MAGI2: variants seen among roughly 807,000 people sequenced by gnomAD.
MAGI2 encodes the protein membrane associated guanylate kinase, WW and PDZ domain containing 2.
A neutral mutation model predicts 133.3 loss-of-function variants in MAGI2; 35 were observed. The ratio of observed to expected loss-of-function variants is 0.26; its 90% CI spans 0.20 to 0.35. The LOEUF (loss-of-function observed/expected upper bound fraction) is 0.35, where lower values mean the gene tolerates loss of function less well. MAGI2 is among the 10% of genes least tolerant of loss of function. The pLI is 1.00. For missense variants in MAGI2, 1,636 were observed against 1,863.4 expected (o/e 0.88, Z 2.25); for synonymous variants, 729 against 710.6 (o/e 1.03, Z -0.41).
intron 4 of MAGI2, among the ~76,000 whole-genome samples, chr7:78,511,655 C>G (rs959470300): frequency 3.3e-5 from 5 of 149,704 alleles, no homozygotes; most frequent in Non-Finnish European, 4.4e-5. Context: ...ATCCAGGGCT[C>G]TAGCCATCAA....
intron 21 of MAGI2, among the ~76,000 whole-genome samples, chr7:78,047,942 T>C (rs1169578426): frequency 1.3e-5 from 2 of 152,222 alleles, no homozygotes; most frequent in Non-Finnish European, 2.9e-5. Flanking sequence ...CAGTCCTCCT[T>C]GATAAGCTCA....
At chr7:79,174,058 T>C (rs530128880) in intron 1 of MAGI2, among the ~76,000 whole-genome samples, 8 of 151,998 alleles carry the variant, frequency 5.3e-5, no homozygotes, top group Non-Finnish European at 1.2e-4. Context: ...CACATAATAC[T>C]GAGGATAAAA....
intron 10 of MAGI2, among the ~76,000 whole-genome samples, chr7:78,206,769 C>T (rs956574361): frequency 3.3e-5 from 5 of 152,098 alleles, no homozygotes; most frequent in African/African-American, 1.2e-4. Context: ...ACTGTTACAA[C>T]GTCATGTATT....
intron 1 of MAGI2, among the ~76,000 whole-genome samples, chr7:79,059,969 TA>T (rs1254759851): frequency 6.6e-6 from 1 of 152,124 alleles, no homozygotes; most frequent in Non-Finnish European, 1.5e-5. Context: ...GTTGTACATC[TA>T]ATGAGTAATG....
chr7:78,719,703 C>A (rs189441524), intron 2 of MAGI2, among the ~76,000 whole-genome samples: 2 of 152,266 alleles, frequency 1.3e-5, no homozygotes, highest in East Asian at 3.9e-4. Flanking sequence ...CTTGTCTCAC[C>A]AAAGCAGGTG....
chr7:79,430,327 A>C (rs956413290), intron 1 of MAGI2, among the ~76,000 whole-genome samples: 1 of 152,178 alleles, frequency 6.6e-6, no homozygotes, highest in African/African-American at 2.4e-5. Flanking sequence ...GCAACTTCAC[A>C]AAGTCAGCAT....
chr7:79,158,991 T>C (rs533908336), intron 1 of MAGI2, among the ~76,000 whole-genome samples: 101 of 152,178 alleles, frequency 6.6e-4, no homozygotes, highest in African/African-American at 2.4e-3. Flanking sequence ...ATACATGTTA[T>C]ACAAGGTTAT....
chr7:78,038,075 AC>A (rs1477156981), intron 21 of MAGI2, among the ~76,000 whole-genome samples: 3 of 152,180 alleles, frequency 2.0e-5, no homozygotes, highest in Non-Finnish European at 2.9e-5. Flanking sequence ...CGTTTCTTTT[AC>A]AACATTTACT....
chr7:78,734,582 A>G (rs1002977505), intron 2 of MAGI2, among the ~76,000 whole-genome samples: 4 of 152,182 alleles, frequency 2.6e-5, no homozygotes, highest in African/African-American at 9.6e-5. Context: ...TGACCACCCT[A>G]TGTGACCCGC....
chr7:79,366,631 C>A (rs569996517), intron 1 of MAGI2, among the ~76,000 whole-genome samples: 1 of 152,126 alleles, frequency 6.6e-6, no homozygotes, highest in South Asian at 2.1e-4. Context: ...TTGATCTTAT[C>A]CTATCATTTT....
At chr7:79,273,703 T>G (rs1585396271) in intron 1 of MAGI2, among the ~76,000 whole-genome samples, 2 of 151,966 alleles carry the variant, frequency 1.3e-5, no homozygotes, top group Admixed American at 1.3e-4. Flanking sequence ...AAAACAGAAC[T>G]TTTGTTACAG....
rs550538320 is a variant in MAGI2 at position 79,384,326 on chromosome 7, T to G, written c.301+68694A>C. ...TGGATTGAAGTGACCAATTTGCTTCTTGGAAAATATGAAAACTGGAATGCT... is the reference window on the plus strand; with the variant it reads ...TGGATTGAAGTGACCAATTTGCTTCGTGGAAAATATGAAAACTGGAATGCT... On this transcript the variant is annotated intron_variant, in intron 1 of 21. Coordinates refer to ENST00000354212, the MANE Select transcript of MAGI2 (RefSeq NM_012301.4). Among the ~76,000 whole-genome samples the G allele has an allele frequency of 1.1e-4, 16 of 151,456 alleles. 1 individual carries two copies. The highest frequency in any genetic ancestry group is 2.9e-4 in the African/African-American group (12 of 41,436).
chr7:78,156,698 A>G (rs1824420263), intron 16 of MAGI2, among the ~76,000 whole-genome samples: 1 of 152,036 alleles, frequency 6.6e-6, no homozygotes, highest in African/African-American at 2.4e-5. Flanking sequence ...TCCAGATAGG[A>G]TGATTGTAGC....
chr7:78,604,869 T>G (rs539809010), intron 3 of MAGI2, among the ~76,000 whole-genome samples: 1 of 152,378 alleles, frequency 6.6e-6, no homozygotes, highest in East Asian at 1.9e-4. Context: ...TTTCTTAATA[T>G]CTATTCATGT....
intron 1 of MAGI2, among the ~76,000 whole-genome samples, chr7:79,357,948 T>C (rs1189041209): frequency 2.6e-5 from 4 of 152,210 alleles, no homozygotes; most frequent in African/African-American, 9.6e-5. Flanking sequence ...TCTTATTTAA[T>C]TACTTATTTA....
chr7:79,408,738 A>G (rs932866508), intron 1 of MAGI2, among the ~76,000 whole-genome samples: 7 of 151,148 alleles, frequency 4.6e-5, no homozygotes, highest in Admixed American at 3.9e-4. Flanking sequence ...CTGGGTTAAA[A>G]AAAGAGATGG....
chr7:78,269,528 T>C (rs1794354322), intron 9 of MAGI2, among the ~76,000 whole-genome samples: 1 of 148,322 alleles, frequency 6.7e-6, no homozygotes. Flanking sequence ...ATTTCTCTAA[T>C]GACCAGTGAT....
intron 1 of MAGI2, among the ~76,000 whole-genome samples, chr7:79,049,282 T>C (rs1317582651): frequency 1.3e-5 from 2 of 152,148 alleles, no homozygotes; most frequent in Admixed American, 1.3e-4. Flanking sequence ...AAGACTTTTT[T>C]TTCCCCCTGC....
At chr7:79,391,718 C>T (rs547202152) in intron 1 of MAGI2, among the ~76,000 whole-genome samples, 5 of 151,780 alleles carry the variant, frequency 3.3e-5, no homozygotes, top group Admixed American at 1.3e-4. Context: ...GAGACGGAGT[C>T]TTGCTCTGTC....
Sources: gnomAD v4.1 joint callset for allele counts (sites outside exome capture counted in the v4.1 genomes callset) on GRCh38, gnomAD v4.1.1 for gene constraint, MANE v1.5 for transcripts, NCBI Gene and HGNC (gene_info 2026-07-23, HGNC 2026-07-21) for gene names.